Variants in PDE4D observed in about 807,000 individuals in gnomAD.
PDE4D encodes the protein phosphodiesterase 4D.
Under a neutral mutation model 87.4 loss-of-function variants are expected in PDE4D, and 24 were observed. That is an observed-to-expected ratio of 0.27 (90% CI 0.20 to 0.39). The LOEUF (loss-of-function observed/expected upper bound fraction) is 0.39, where lower values mean the gene tolerates loss of function less well. PDE4D is among the 10% of genes least tolerant of loss of function. The pLI is 1.00. For synonymous variants in PDE4D, 384 were observed against 383.2 expected (o/e 1.00, Z -0.02); for missense variants, 714 against 1,041.0 (o/e 0.69, Z 4.32).
chr5:59,947,481 C>T (rs1256600124), intron 3 of PDE4D, among the ~76,000 whole-genome samples: 1 of 152,102 alleles, frequency 6.6e-6, no homozygotes, highest in African/African-American at 2.4e-5. Context: ...TGAGGACAAA[C>T]CAGTCCAAGT....
chr5:59,198,150 A>G (rs1211175246), intron 2 of PDE4D, among the ~76,000 whole-genome samples: 1 of 152,200 alleles, frequency 6.6e-6, no homozygotes, highest in Non-Finnish European at 1.5e-5. Flanking sequence ...AATAAAAACA[A>G]TTATAACAAC....
At chr5:59,762,175 G>A (rs562152961) in intron 1 of PDE4D, among the ~76,000 whole-genome samples, 1 of 148,178 alleles carries the variant, frequency 6.7e-6, no homozygotes, top group African/African-American at 2.6e-5. Context: ...TAGGTACACA[G>A]GTATATATAT....
chr5:59,855,966 C>T (rs1418251048), intron 1 of PDE4D, among the ~76,000 whole-genome samples: 2 of 151,998 alleles, frequency 1.3e-5, no homozygotes, highest in African/African-American at 4.8e-5. Flanking sequence ...AATATGACAA[C>T]TATAAGACAT....
chr5:59,690,378 C>T (rs560430137), intron 1 of PDE4D, among the ~76,000 whole-genome samples: 1 of 152,250 alleles, frequency 6.6e-6, no homozygotes, highest in South Asian at 2.1e-4. Flanking sequence ...GAGATATAGA[C>T]TAATGGAACA....
chr5:60,106,619 C>T (rs1776955533), intron 2 of PDE4D, among the ~76,000 whole-genome samples: 1 of 150,946 alleles, frequency 6.6e-6, no homozygotes, highest in African/African-American at 2.4e-5. Context: ...TAAAGCTCTC[C>T]TCAGCAAATG....
chr5:60,101,443 G>T (rs1436909591), intron 2 of PDE4D, among the ~76,000 whole-genome samples: 1 of 152,054 alleles, frequency 6.6e-6, no homozygotes, highest in Non-Finnish European at 1.5e-5. Flanking sequence ...CAAGCATTAT[G>T]CTCTAGTCTA....
At chr5:58,976,604 A>G in intron 12 of PDE4D, 132 bp from the exon 13 acceptor site, 3 of 708,598 alleles carry the variant, frequency 4.2e-6, no homozygotes, top group Non-Finnish European at 6.9e-6. Context: ...AATCCTTACT[A>G]CTCCTTGGGG....
intron 2 of PDE4D, among the ~76,000 whole-genome samples, chr5:60,183,836 T>C (rs1784567795): frequency 6.6e-6 from 1 of 152,188 alleles, no homozygotes; most frequent in South Asian, 2.1e-4. Context: ...CAAAATAAAA[T>C]TTTATAGCCC....
At chr5:60,119,815 G>A (rs1049170674) in intron 2 of PDE4D, among the ~76,000 whole-genome samples, 1 of 152,072 alleles carries the variant, frequency 6.6e-6, no homozygotes, top group South Asian at 2.1e-4. Context: ...AAAATACTAG[G>A]GGTACATTCA....
intron 1 of PDE4D, among the ~76,000 whole-genome samples, chr5:59,507,363 T>C (rs1326811944): frequency 4.0e-5 from 6 of 151,000 alleles, no homozygotes; most frequent in Admixed American, 2.6e-4. Context: ...AACAAAACAA[T>C]AAAATGAATA....
chr5:59,160,292 A>G (rs1295573058), intron 5 of PDE4D, among the ~76,000 whole-genome samples: 2 of 152,214 alleles, frequency 1.3e-5, no homozygotes, highest in African/African-American at 2.4e-5. Context: ...CCTACTCAGT[A>G]AAATCATATG....
rs372217599 is a variant in PDE4D, at chr5:58,989,854, G to A, written c.1353C>T (p.Leu451=). The A allele has an allele frequency of 2.1e-4, 336 of 1,578,168 alleles. 5 individuals are homozygous for A. The South Asian group carries it at 3.6e-3, about 17-fold the overall frequency. Residue 451 remains leucine (L), a synonymous_variant, in exon 10 of 15, where the codon CTC becomes CTT. Transcript: ENST00000340635. The part of the protein sequence containing the change: ...VDTLITYLMT[L]EDHYHADVAY... ...CCACATCAGCATGGTAATGGTCTTCGAGAGTCATAAGATATGTAATTAAAG... is the reference window on the plus strand; with the variant it reads ...CCACATCAGCATGGTAATGGTCTTCAAGAGTCATAAGATATGTAATTAAAG...
At chr5:60,374,822 A>T (rs940533042) in intron 1 of PDE4D, among the ~76,000 whole-genome samples, 2 of 152,212 alleles carry the variant, frequency 1.3e-5, no homozygotes, top group Non-Finnish European at 2.9e-5. Context: ...TTAAGTAAGA[A>T]ATCTTTCATG....
chr5:60,029,419 TG>T (rs1766981545), intron 2 of PDE4D, among the ~76,000 whole-genome samples: 1 of 152,358 alleles, frequency 6.6e-6, no homozygotes, highest in South Asian at 2.1e-4. Flanking sequence ...ATCTGTGACC[TG>T]TAAGTTCCCG....
At chr5:59,926,020 A>C (rs1383416794) in intron 3 of PDE4D, among the ~76,000 whole-genome samples, 1 of 152,224 alleles carries the variant, frequency 6.6e-6, no homozygotes, top group Non-Finnish European at 1.5e-5. Flanking sequence ...AAATGGAACT[A>C]ATAGATATTT....
intron 3 of PDE4D, among the ~76,000 whole-genome samples, chr5:59,912,282 C>A (rs1322381797): frequency 1.3e-5 from 2 of 152,182 alleles, no homozygotes; most frequent in Non-Finnish European, 2.9e-5. Flanking sequence ...GCTTATTTTT[C>A]TGATAAGAAA....
At chr5:59,541,169 T>A (rs1318075649) in intron 1 of PDE4D, among the ~76,000 whole-genome samples, 1 of 152,200 alleles carries the variant, frequency 6.6e-6, no homozygotes, top group Non-Finnish European at 1.5e-5. Flanking sequence ...TCTGGTTCAC[T>A]GCTTTATCTC....
chr5:60,330,473 T>C (rs950016624), intron 1 of PDE4D, among the ~76,000 whole-genome samples: 1 of 152,120 alleles, frequency 6.6e-6, no homozygotes, highest in African/African-American at 2.4e-5. Context: ...CAGAGAATGG[T>C]CTTGGCATCC....
chr5:59,795,971 G>C (rs1434543428), intron 1 of PDE4D, among the ~76,000 whole-genome samples: 1 of 152,206 alleles, frequency 6.6e-6, no homozygotes, highest in Non-Finnish European at 1.5e-5. Flanking sequence ...TCCAAGGAGA[G>C]AGGCCTGGAA....
Sources: gnomAD v4.1 joint callset for allele counts (sites outside exome capture counted in the v4.1 genomes callset) on GRCh38, gnomAD v4.1.1 for gene constraint, MANE v1.5 for transcripts, NCBI Gene and HGNC (gene_info 2026-07-23, HGNC 2026-07-21) for gene names.